Variants in SPAG17 observed in about 807,000 individuals in gnomAD.
The protein encoded by SPAG17 is sperm-associated antigen 17.
Under a neutral mutation model 273.6 loss-of-function variants are expected in SPAG17, and 169 were observed. The observed-to-expected ratio is 0.62, with a 90% CI of 0.55 to 0.70. The LOEUF is 0.70. Among genes scored for constraint, SPAG17 ranks in the 30% least tolerant of loss-of-function variants. The pLI is 0.00. For missense variants in SPAG17, 2,557 were observed against 2,627.8 expected, an observed-to-expected ratio of 0.97 and a Z score of 0.59; for synonymous variants, 825 against 873.2, an observed-to-expected ratio of 0.94 and a Z score of 0.97.
At chr1:117,970,785 A>G (rs1021702727) in intron 45 of SPAG17, among the ~76,000 whole-genome samples, 1 of 152,200 alleles carries the variant, frequency 6.6e-6, no homozygotes, top group Non-Finnish European at 1.5e-5. Context: ...TGAATTAACA[A>G]GCTGAGGAGT....
rs1362086819 is a variant in SPAG17, at chr1:118,023,289, G to T, written c.4069+15C>A. 1.3e-6 allele frequency: 2 copies of T among 1,599,578 alleles called. No individual in the cohort carries two copies. Among genetic ancestry groups the T allele is most frequent in the South Asian group, 2.3e-5 (2 of 88,820 alleles). Reference sequence around the variant, plus strand: ...TTACTAAATCCATAATAAACTGAGAGGCTTCAATTGTTACCTTTCTTTGTG... The same window carrying T: ...TTACTAAATCCATAATAAACTGAGATGCTTCAATTGTTACCTTTCTTTGTG... On this transcript the variant is annotated intron_variant, in intron 28 of 48. Coordinates refer to ENST00000336338, the MANE Select transcript of SPAG17 (RefSeq NM_206996.4).
At chr1:117,976,119 G>A (rs534481020) in intron 43 of SPAG17, among the ~76,000 whole-genome samples, 60 of 152,264 alleles carry the variant, frequency 3.9e-4, no homozygotes, top group African/African-American at 1.4e-3. Context: ...GGTAGAGCCT[G>A]TACTCTTAGC....
chr1:118,151,101 G>A (rs1659352183), intron 2 of SPAG17, 128 bp downstream of exon 2: 1 of 736,502 alleles, frequency 1.4e-6, no homozygotes, highest in Non-Finnish European at 1.9e-6. Flanking sequence ...TGGCTAAATA[G>A]TTACTTAAAA....
intron 4 of SPAG17, among the ~76,000 whole-genome samples, chr1:118,110,189 T>C (rs917336598): frequency 5.9e-5 from 9 of 152,278 alleles, no homozygotes; most frequent in African/African-American, 1.9e-4. Context: ...TGCTCAATGA[T>C]AGAGAAATGG....
chr1:118,049,476 T>C lies in SPAG17; in HGVS notation c.2814+4526A>G, dbSNP rs75642534. On this transcript the variant is annotated intron_variant, in intron 20 of 48. Coordinates refer to ENST00000336338, the MANE Select transcript of SPAG17 (RefSeq NM_206996.4). ...TACAGAATGAAAGATAAAAATCACATGGTCATCACAATAGATGTGGAAAAA... is the reference window on the plus strand; with the variant it reads ...TACAGAATGAAAGATAAAAATCACACGGTCATCACAATAGATGTGGAAAAA... Among the ~76,000 whole-genome samples the C allele has an allele frequency of 7.2e-3, 1,093 of 152,238 alleles. 11 individuals carry two copies. Among genetic ancestry groups the C allele is most frequent in the African/African-American group, 0.025 (1,034 of 41,536 alleles).
chr1:118,150,614 T>G lies in SPAG17; in HGVS notation c.244A>C (p.Thr82Pro). ...DILQQINEINTLVGSASSKKA... is the reference protein window; with the variant it reads ...DILQQINEINPLVGSASSKKA... ...TTAGATGAAGCAGATCCAACAAGTG[T>G]ATTTATTTCATTAATCTGTAAGAAA... Residue 82 changes from threonine (T) to proline (P), a missense_variant, in exon 3 of 49, where the codon ACA becomes CCA. Thr to Pro is a conservative substitution (Grantham distance 38). Transcript: ENST00000336338. 1.3e-6 allele frequency: 2 copies of G among 1,549,302 alleles called. No homozygotes were observed. The highest frequency in any genetic ancestry group is 1.8e-6 in the Non-Finnish European group (2 of 1,130,574).
rs2102063179 is a variant in SPAG17 at position 118,066,901 on chromosome 1, T to G, written c.2386-2A>C. ...TTGCTTATGGGCTTCTTGAAGGACC[T>G]GAAAATCAAAATAATTGCATTGTAG... On this transcript the variant is annotated splice_acceptor_variant, in intron 17 of 48. Transcript: ENST00000336338. LOFTEE classifies it high-confidence loss of function. 6.3e-7 allele frequency: 1 copy of G among 1,597,388 alleles called. No homozygotes were observed. The highest frequency in any genetic ancestry group is 1.1e-5 in the South Asian group (1 of 87,188).
At chr1:118,041,773 G>A in intron 21 of SPAG17, 30 bp downstream of exon 21, 1 of 1,593,008 alleles carries the variant, frequency 6.3e-7, no homozygotes, top group Non-Finnish European at 8.5e-7. Context: ...ATAGCCCAAA[G>A]AGACTAAGTT....
At position 118,012,409 on chromosome 1, in the gene SPAG17, C is replaced by G. The variant is rs756644809; in HGVS notation, c.4288-37G>C. On this transcript the variant is annotated intron_variant, in intron 29 of 48. Coordinates refer to ENST00000336338, the MANE Select transcript of SPAG17 (RefSeq NM_206996.4). Reference sequence around the variant, plus strand: ...GAGGCAGGACATAATCATTTGGCCACATGGTTCATCCCAAGTGTACTTATT... The same window carrying G: ...GAGGCAGGACATAATCATTTGGCCAGATGGTTCATCCCAAGTGTACTTATT... 3.7e-6 allele frequency: 6 copies of G among 1,602,782 alleles called. No individual in the cohort carries two copies. In the South Asian group the frequency reaches 5.6e-5, roughly 15 times the overall value.
At chr1:118,141,100 C>T (rs548663954) in intron 3 of SPAG17, among the ~76,000 whole-genome samples, 1 of 152,220 alleles carries the variant, frequency 6.6e-6, no homozygotes, top group Non-Finnish European at 1.5e-5. Flanking sequence ...ATGAAACTAA[C>T]TCAAAATTGT....
intron 3 of SPAG17, among the ~76,000 whole-genome samples, chr1:118,145,080 T>C (rs1455730380): frequency 6.6e-6 from 1 of 152,198 alleles, no homozygotes; most frequent in African/African-American, 2.4e-5. Context: ...TGTCTCCCTT[T>C]TCCTTCGTTT....
chr1:117,989,102 G>A (rs1162216173), intron 38 of SPAG17, among the ~76,000 whole-genome samples: 1 of 152,008 alleles, frequency 6.6e-6, no homozygotes, highest in East Asian at 1.9e-4. Context: ...TAAAGTATAG[G>A]GCCCCTGGTT....
At position 118,065,460 on chromosome 1, in the gene SPAG17, G is replaced by A. The variant is rs900233999; in HGVS notation, c.2540+1285C>T. Among the ~76,000 whole-genome samples the A allele has an allele frequency of 2.6e-5, 4 of 152,016 alleles. No individual in the cohort carries two copies. In the East Asian group the frequency reaches 7.7e-4, roughly 29 times the overall value. On this transcript the variant is annotated intron_variant, in intron 18 of 48. Coordinates refer to ENST00000336338, the MANE Select transcript of SPAG17 (RefSeq NM_206996.4). ...AGAACATTCTCCAGTTAATTTATGA[G>A]GTTAACATAATCTCAATACTAAAAC...
At chr1:118,017,853 C>A (rs1024380628) in intron 28 of SPAG17, among the ~76,000 whole-genome samples, 8 of 152,062 alleles carry the variant, frequency 5.3e-5, no homozygotes, top group Non-Finnish European at 8.8e-5. Flanking sequence ...TATGGGTCAA[C>A]AAAGCAAACT....
At chr1:117,972,830 A>G (rs935679564) in intron 44 of SPAG17, among the ~76,000 whole-genome samples, 3 of 152,216 alleles carry the variant, frequency 2.0e-5, no homozygotes, top group Non-Finnish European at 4.4e-5. Context: ...TCCCAACAGA[A>G]CTGGATGGAA....
At position 117,981,393 on chromosome 1, in the gene SPAG17, G is replaced by A; in HGVS notation, c.5881C>T (p.Pro1961Ser). ...GATTTCTGTTCTGAAACCTTATGTG[G>A]CTTGAAATCTAGAAAACCCAAAATG... is the stretch of plus-strand genomic sequence containing the variant. ...DTSDLNLDFK[P>S]HKVSEQKSSS... The change falls in exon 43 of 49, where the codon CCA becomes TCA. Residue 1961 changes from proline (P) to serine (S), a missense_variant. Pro to Ser is a moderately conservative substitution (Grantham distance 74). Transcript: ENST00000336338. 2 of 1,592,020 alleles carry A rather than the reference G, an allele frequency of 1.3e-6. No homozygotes were observed. Among genetic ancestry groups the A allele is most frequent in the South Asian group, 1.2e-5 (1 of 85,914 alleles).
intron 42 of SPAG17, among the ~76,000 whole-genome samples, chr1:117,983,252 C>T (rs537379679): frequency 1.3e-5 from 2 of 152,166 alleles, no homozygotes; most frequent in East Asian, 1.9e-4. Context: ...GAGAACAGCA[C>T]GGGAAAGACC....
intron 4 of SPAG17, among the ~76,000 whole-genome samples, chr1:118,108,530 T>C (rs1049116378): frequency 4.6e-5 from 7 of 152,180 alleles, no homozygotes; most frequent in Non-Finnish European, 7.3e-5. Flanking sequence ...TAACATGGCA[T>C]GCATGTTCCC....
At chr1:117,957,862 A>G (rs150890711) in intron 48 of SPAG17, among the ~76,000 whole-genome samples, 51 of 152,330 alleles carry the variant, frequency 3.3e-4, no homozygotes, top group African/African-American at 1.1e-3. Flanking sequence ...ATTTTAAGAA[A>G]GTCAGTTTAT....
Sources: gnomAD v4.1 joint callset for allele counts (sites outside exome capture counted in the v4.1 genomes callset) on GRCh38, gnomAD v4.1.1 for gene constraint, MANE v1.5 for transcripts, NCBI Gene and HGNC (gene_info 2026-07-23, HGNC 2026-07-21) for gene names.